The following ARB2A variants were observed in gnomAD, a reference collection of about 807,000 sequenced individuals.
ARB2A encodes the protein ARB2 cotranscriptional regulator A.
chr5:93,811,521 G>A, the ARB2A span, among the ~76,000 whole-genome samples: 10 of 152,110 alleles, frequency 6.6e-5, no homozygotes, highest in Admixed American at 2.6e-4. Context: ...CCTGAAATAC[G>A]TGAAAAACCG....
the ARB2A span, among the ~76,000 whole-genome samples, chr5:93,641,170 A>C: frequency 1.6e-4 from 24 of 151,740 alleles, no homozygotes; most frequent in Non-Finnish European, 7.4e-5. Context: ...ACTGCACTCC[A>C]GCCTGGGTGA....
the ARB2A span, chr5:93,738,432 A>G: frequency 1.3e-5 from 2 of 152,458 alleles, no homozygotes; most frequent in African/African-American, 4.8e-5. Context: ...TGACTCAGAA[A>G]TTCCACTCCT....
the ARB2A span, among the ~76,000 whole-genome samples, chr5:93,682,258 A>C: frequency 2.0e-4 from 31 of 151,734 alleles, no homozygotes; most frequent in South Asian, 2.3e-3. Flanking sequence ...AAAAAAAAAA[A>C]AACATTTCTC....
At chr5:93,804,361 G>A in the ARB2A span, among the ~76,000 whole-genome samples, 1 of 151,854 alleles carries the variant, frequency 6.6e-6, no homozygotes, top group Non-Finnish European at 1.5e-5. Flanking sequence ...TATCTGCAAG[G>A]ATTATTCACT....
chr5:93,913,054 T>C, the ARB2A span, among the ~76,000 whole-genome samples: 1 of 151,894 alleles, frequency 6.6e-6, no homozygotes, highest in Non-Finnish European at 1.5e-5. Flanking sequence ...ATAACATCTT[T>C]ACGTTTATTA....
At chr5:93,905,806 T>C in the ARB2A span, among the ~76,000 whole-genome samples, 7 of 151,630 alleles carry the variant, frequency 4.6e-5, no homozygotes, top group East Asian at 1.9e-4. Flanking sequence ...TAGATTTCAA[T>C]AGAATTATTG....
chr5:94,036,274 A>G, the ARB2A span, among the ~76,000 whole-genome samples: 1 of 152,256 alleles, frequency 6.6e-6, no homozygotes, highest in African/African-American at 2.4e-5. Flanking sequence ...AAATTACACA[A>G]AAAGGTATTA....
At chr5:94,056,696 A>G in the ARB2A span, among the ~76,000 whole-genome samples, 6 of 152,214 alleles carry the variant, frequency 3.9e-5, no homozygotes, top group African/African-American at 1.4e-4. Context: ...CCCAAAAGGA[A>G]GCAGGAACTC....
At chr5:93,807,471 A>G in the ARB2A span, among the ~76,000 whole-genome samples, 38 of 152,114 alleles carry the variant, frequency 2.5e-4, 1 homozygote, top group African/African-American at 8.9e-4. Flanking sequence ...TAGCACCAGG[A>G]AAATCATCCT....
the ARB2A span, among the ~76,000 whole-genome samples, chr5:93,830,313 A>ATG: frequency 0.027 from 1,379 of 51,320 alleles, 89 homozygotes; most frequent in Middle Eastern, 0.066. Flanking sequence ...GTGTGTGTGT[A>ATG]TATATATATA....
At chr5:93,741,736 C>T in the ARB2A span, 1 of 735,710 alleles carries the variant, frequency 1.4e-6, no homozygotes, top group African/African-American at 1.8e-5. Flanking sequence ...CTCCTGGGTC[C>T]TAGGGTTAAG....
chr5:94,035,070 A>T, the ARB2A span, among the ~76,000 whole-genome samples: 2 of 152,118 alleles, frequency 1.3e-5, no homozygotes, highest in Non-Finnish European at 2.9e-5. Flanking sequence ...CCTGGTGCCA[A>T]AAAGGTTGGG....
the ARB2A span, among the ~76,000 whole-genome samples, chr5:93,715,287 TA>T: frequency 5.9e-4 from 90 of 152,284 alleles, no homozygotes; most frequent in African/African-American, 1.9e-3. Context: ...AAACTATAGC[TA>T]AATTTTTTTA....
At chr5:93,918,996 CA>C in the ARB2A span, among the ~76,000 whole-genome samples, 24 of 152,148 alleles carry the variant, frequency 1.6e-4, no homozygotes, top group African/African-American at 5.8e-4. Context: ...ATGTACATTA[CA>C]ATCACCCGTA....
chr5:94,038,293 C>CAG, the ARB2A span, among the ~76,000 whole-genome samples: 14 of 152,050 alleles, frequency 9.2e-5, no homozygotes, highest in South Asian at 2.9e-3. Flanking sequence ...CTGAGTTTAA[C>CAG]AGAAACATTA....
At chr5:93,781,130 C>T in the ARB2A span, among the ~76,000 whole-genome samples, 15 of 152,164 alleles carry the variant, frequency 9.9e-5, no homozygotes, top group South Asian at 2.3e-3. Context: ...TAGTGTACAT[C>T]GTACTCAATA....
the ARB2A span, among the ~76,000 whole-genome samples, chr5:93,769,003 TAC>T: frequency 1.7e-4 from 26 of 152,240 alleles, no homozygotes; most frequent in African/African-American, 6.3e-4. Context: ...ATGCTAAATA[TAC>T]AGTGATATTT....
the ARB2A span, among the ~76,000 whole-genome samples, chr5:93,996,431 T>C: frequency 1.3e-5 from 2 of 151,968 alleles, no homozygotes; most frequent in African/African-American, 4.8e-5. Flanking sequence ...GACCTCAGGG[T>C]TGTGTGAGAA....
At chr5:93,789,890 A>G in the ARB2A span, among the ~76,000 whole-genome samples, 1 of 152,214 alleles carries the variant, frequency 6.6e-6, no homozygotes, top group Non-Finnish European at 1.5e-5. Flanking sequence ...ATTATAATGA[A>G]ATACACACAC....
Sources: gnomAD v4.1 joint callset for allele counts (sites outside exome capture counted in the v4.1 genomes callset) on GRCh38, gnomAD v4.1.1 for gene constraint, MANE v1.5 for transcripts, NCBI Gene and HGNC (gene_info 2026-07-23, HGNC 2026-07-21) for gene names.